The following XG variants were observed in gnomAD, a reference collection of about 807,000 sequenced individuals.
The protein encoded by XG is Xg glycoprotein (Xg blood group), also known as glycoprotein Xg.
A neutral mutation model predicts 25.7 loss-of-function variants in XG; 24 were observed. The ratio of observed to expected loss-of-function variants is 0.93; its 90% CI spans 0.68 to 1.31. The LOEUF (loss-of-function observed/expected upper bound fraction) is 1.31. Among genes scored for constraint, XG ranks in the 40% most tolerant of loss-of-function variants. XG has a pLI of 0.00. For missense variants in XG, 181 were observed against 187.6 expected, an observed-to-expected ratio of 0.96 and a Z score of 0.21; for synonymous variants, 77 against 69.2, an observed-to-expected ratio of 1.11 and a Z score of -0.56.
At chrX:2,774,642 C>A (rs1014924038) in intron 2 of XG, 74 bp from the exon 3 acceptor site, 1 of 1,525,162 alleles carries the variant, frequency 6.6e-7, no homozygotes, top group Non-Finnish European at 9.1e-7. Context: ...TTCATCAGGG[C>A]GTTCATGGCC....
chrX:2,752,161 C>G lies in XG; in HGVS notation c.-114C>G, dbSNP rs145405939. On this transcript the variant is annotated 5_prime_UTR_variant, in exon 1 of 11. Transcript: ENST00000644266. ...TATTTTCCACTTGAAGACATCGCCT[C>G]CCTTCCTTCCAAGCTGGGAGACCAG... 1.9e-6 allele frequency: 3 copies of G among 1,554,386 alleles called. No individual in the cohort carries two copies. The highest frequency in any genetic ancestry group is 2.6e-6 in the Non-Finnish European group (3 of 1,145,572).
intron 10 of XG, 122 bp from the exon 11 acceptor site, chrX:2,814,242 T>C (rs2087083961): frequency 2.2e-6 from 2 of 892,992 alleles, no homozygotes; most frequent in African/African-American, 4.1e-5. Context: ...TTCCTTCTCC[T>C]AAATCTAGAG....
chrX:2,801,949 C>T (rs1336653739), intron 7 of XG, among the ~76,000 whole-genome samples: 51 of 110,882 alleles, frequency 4.6e-4, no homozygotes, highest in Non-Finnish European at 8.1e-4. Context: ...CCTCGTGATC[C>T]GCCCGCCTCG....
intron 1 of XG, among the ~76,000 whole-genome samples, chrX:2,759,704 A>G (rs6655899): frequency 0.047 from 7,096 of 152,292 alleles, 548 homozygotes; most frequent in African/African-American, 0.16. Flanking sequence ...TTGGATAACA[A>G]CTGACCCTTC....
chrX:2,766,719 C>T (rs754968433), intron 1 of XG, among the ~76,000 whole-genome samples: 26 of 151,108 alleles, frequency 1.7e-4, no homozygotes, highest in Admixed American at 3.3e-4. Context: ...CGCCCGCCAC[C>T]ACACCCGGCT....
chrX:2,771,408 G>T (rs2050816387), intron 2 of XG, among the ~76,000 whole-genome samples: 1 of 152,128 alleles, frequency 6.6e-6, no homozygotes, highest in Non-Finnish European at 1.5e-5. Context: ...GGGCACTGAG[G>T]ACCTGGAATC....
chrX:2,766,997 G>A (rs1377385131), intron 1 of XG, among the ~76,000 whole-genome samples: 2 of 152,012 alleles, frequency 1.3e-5, no homozygotes, highest in Non-Finnish European at 2.9e-5. Flanking sequence ...TAGTTCCTTC[G>A]GTGCCTTAGG....
At chrX:2,752,360 A>G (rs2050350584) in intron 1 of XG, 25 bp downstream of exon 1, 1 of 1,612,528 alleles carries the variant, frequency 6.2e-7, no homozygotes, top group African/African-American at 1.3e-5. Flanking sequence ...GCTTTGAGGG[A>G]GATCTGCCTG....
intron 1 of XG, among the ~76,000 whole-genome samples, chrX:2,769,034 T>A (rs2050758695): frequency 6.6e-6 from 1 of 152,136 alleles, no homozygotes. Context: ...GAGTTCCCCT[T>A]CCCTCCAAGG....
chrX:2,783,432 T>C (rs1451216900), intron 4 of XG, among the ~76,000 whole-genome samples: 3 of 111,820 alleles, frequency 2.7e-5, no homozygotes, highest in African/African-American at 9.7e-5. Flanking sequence ...TTCTGGCCAT[T>C]AAAGTTATCA....
At chrX:2,752,566 C>T (rs1313400712) in intron 1 of XG, among the ~76,000 whole-genome samples, 1 of 152,080 alleles carries the variant, frequency 6.6e-6, no homozygotes, top group African/African-American at 2.4e-5. Context: ...TAGCTGATAC[C>T]ATCTAGATAT....
intron 1 of XG, among the ~76,000 whole-genome samples, chrX:2,762,062 G>A (rs1369940012): frequency 6.6e-6 from 1 of 152,160 alleles, no homozygotes; most frequent in Admixed American, 6.5e-5. Context: ...TGTCACCCAT[G>A]TCCTGAGGGA....
intron 1 of XG, among the ~76,000 whole-genome samples, chrX:2,762,871 G>C (rs1229582238): frequency 2.0e-5 from 3 of 152,186 alleles, no homozygotes; most frequent in African/African-American, 4.8e-5. Context: ...GGAAAACCTT[G>C]AGTTCCTTCA....
At chrX:2,780,660 G>A (rs2051100098) in intron 3 of XG, among the ~76,000 whole-genome samples, 1 of 151,784 alleles carries the variant, frequency 6.6e-6, no homozygotes, top group Admixed American at 6.6e-5. Flanking sequence ...GGAGGTTGCA[G>A]GGAGCGGAGA....
intron 1 of XG, among the ~76,000 whole-genome samples, chrX:2,753,993 T>C (rs2050383394): frequency 6.6e-6 from 1 of 152,240 alleles, no homozygotes; most frequent in African/African-American, 2.4e-5. Context: ...CGTTGGCTGA[T>C]GAAAAGTGTT....
At position 2,812,672 on chromosome X, in the gene XG, G is replaced by A. The variant is rs1276254169; in HGVS notation, c.571+1220G>A. Among the ~76,000 whole-genome samples the A allele has an allele frequency of 1.3e-4, 15 of 111,668 alleles. 1 individual carries two copies. The highest frequency in any genetic ancestry group is 1.3e-3 in the Admixed American group (14 of 10,486). The stretch of plus-strand genomic sequence containing the variant: ...TGGGGTGAGCCTCCGTCTACATTAC[G>A]CCCCGTCCTGAAATTTTAGGAGGAA... On this transcript the variant is annotated intron_variant, in intron 10 of 10. Coordinates refer to ENST00000644266, the MANE Select transcript of XG (RefSeq NM_001141919.2).
At chrX:2,800,849 C>A (rs1188932236) in intron 7 of XG, among the ~76,000 whole-genome samples, 1 of 109,845 alleles carries the variant, frequency 9.1e-6, no homozygotes, top group Non-Finnish European at 1.9e-5. Context: ...ATTAGCTGGG[C>A]ATGGAAGTGT....
At chrX:2,771,493 T>A (rs311149) in intron 2 of XG, among the ~76,000 whole-genome samples, 74,929 of 151,974 alleles carry the variant, frequency 0.49, 18,877 homozygotes, top group South Asian at 0.65. Context: ...AAAATATGTG[T>A]CCTGGGCCCT....
At chrX:2,761,274 G>A (rs1346488758) in intron 1 of XG, among the ~76,000 whole-genome samples, 3 of 152,084 alleles carry the variant, frequency 2.0e-5, no homozygotes, top group Non-Finnish European at 1.5e-5. Flanking sequence ...CACACACAGA[G>A]GGATGACCCT....
Sources: allele counts gnomAD v4.1 joint callset (sites outside exome capture counted in the v4.1 genomes callset), GRCh38; gene constraint gnomAD v4.1.1; transcripts MANE v1.5; gene names NCBI Gene and HGNC (gene_info 2026-07-23, HGNC 2026-07-21).